The following RNF34 variants were observed in gnomAD, a reference collection of about 807,000 sequenced individuals.
RNF34 encodes ring finger protein 34.
In RNF34, 12 loss-of-function variants were observed where a neutral mutation model predicts 37.9. That is an observed-to-expected ratio of 0.32 (90% confidence interval 0.20 to 0.51). The LOEUF is 0.51. Among genes scored for constraint, RNF34 ranks in the 20% least tolerant of loss-of-function variants. The pLI, the probability that RNF34 is intolerant of heterozygous loss-of-function variation, is 0.97. For synonymous variants in RNF34, 155 were observed against 177.2 expected (o/e 0.87, Z 1.00); for missense variants, 362 against 472.7 (o/e 0.77, Z 2.17).
chr12:121,400,757 A>C (rs7311543), intron 1 of RNF34, among the ~76,000 whole-genome samples: 29,108 of 152,148 alleles, frequency 0.19, 4,302 homozygotes, highest in African/African-American at 0.41. Context: ...GGGGCCGCGA[A>C]CTAGAGAAGG....
chr12:121,406,825 C>T (rs1870585651), intron 1 of RNF34, among the ~76,000 whole-genome samples: 1 of 152,166 alleles, frequency 6.6e-6, no homozygotes, highest in Admixed American at 6.5e-5. Flanking sequence ...AGACAGTTGC[C>T]TCATTCTCTT....
Position 121,423,295 on chromosome 12 carries a change from C to T in RNF34, c.929-91C>T. On this transcript the variant is annotated intron_variant, in intron 5 of 5. Transcript: ENST00000361234. This position sits in a 1 kb window ranked among gnomAD's most constrained non-coding sequence, Gnocchi z 4.3. ...TGGCATTGGGCCTGCAGGGGTCATT[C>T]AGCAGGTGGCTGCTCAGCTTCGGAC... is the stretch of plus-strand genomic sequence containing the variant. 3 of 984,262 alleles carry T rather than the reference C, an allele frequency of 3.0e-6. No individual in the cohort carries two copies. The highest frequency in any genetic ancestry group is 4.5e-6 in the Non-Finnish European group (3 of 664,406). The allele number at this position is 984,262 out of a possible 1,614,324, so 61.0% of individuals were successfully genotyped here.
At chr12:121,402,784 A>G (rs1870122617) in intron 1 of RNF34, 1 of 1,609,246 alleles carries the variant, frequency 6.2e-7, no homozygotes, top group African/African-American at 1.3e-5. Context: ...GTTAAAAGAA[A>G]ACAAAAACCC....
At chr12:121,406,040 G>T (rs1295785813) in intron 1 of RNF34, among the ~76,000 whole-genome samples, 1 of 151,962 alleles carries the variant, frequency 6.6e-6, no homozygotes, top group Non-Finnish European at 1.5e-5. Context: ...TGATCTGCCT[G>T]CCTCGGCCTC....
chr12:121,400,458 G>A (rs1365387626), intron 1 of RNF34, among the ~76,000 whole-genome samples: 1 of 152,198 alleles, frequency 6.6e-6, no homozygotes, highest in Non-Finnish European at 1.5e-5. Context: ...GAGAAGCCGG[G>A]CGTCCCTAGC....
Position 121,406,591 on chromosome 12 carries a change from T to G in RNF34, c.6+6373T>G, listed in dbSNP as rs558641438. On this transcript the variant is annotated intron_variant, in intron 1 of 5. Coordinates refer to ENST00000361234, the MANE Select transcript of RNF34 (RefSeq NM_025126.4). ...CGTGAGCCACCGCGCCGGGCTGGTG[T>G]TAAGTTTTTAAATACGATACCTGGT... Among the ~76,000 whole-genome samples the G allele has an allele frequency of 2.0e-5, 3 of 152,258 alleles. No homozygotes were observed. The East Asian group carries it at 5.8e-4, about 29-fold the overall frequency.
intron 5 of RNF34, among the ~76,000 whole-genome samples, chr12:121,421,400 C>CAAAAAA (rs1218102187): frequency 8.6e-5 from 8 of 92,656 alleles, no homozygotes; most frequent in Non-Finnish European, 1.7e-4. Context: ...AAAAAAAAAC[C>CAAAAAA]AAAAAAACCT....
At chr12:121,410,545 CAAAA>C (rs59253955) in intron 1 of RNF34, among the ~76,000 whole-genome samples, 3 of 137,688 alleles carry the variant, frequency 2.2e-5, no homozygotes, top group African/African-American at 5.4e-5. Flanking sequence ...TCAAAACCAC[CAAAA>C]AAAAAAAAAT....
chr12:121,421,688 T>G (rs1555283420), intron 5 of RNF34, among the ~76,000 whole-genome samples: 1 of 152,082 alleles, frequency 6.6e-6, no homozygotes. Context: ...TCTTTTTAAT[T>G]GTAAAAAAAA....
Position 121,400,203 on chromosome 12 carries a change from G to C in RNF34, c.-10G>C. ...CTGGTAGAGCCGGCCGAGCTGAGGC[G>C]GTCGCGGCCATGAAGGTGAGGGGCC... On this transcript the variant is annotated 5_prime_UTR_variant, in exon 1 of 6. Transcript: ENST00000361234. 6.2e-7 allele frequency: 1 copy of C among 1,609,244 alleles called. No individual in the cohort carries two copies. The highest frequency in any genetic ancestry group is 8.5e-7 in the Non-Finnish European group (1 of 1,178,948).
chr12:121,423,606 C>G lies in RNF34; in HGVS notation c.*30C>G. On this transcript the variant is annotated 3_prime_UTR_variant, in exon 6 of 6. Coordinates refer to ENST00000361234, the MANE Select transcript of RNF34 (RefSeq NM_025126.4). The surrounding 1 kb of genome is among the most constrained non-coding windows in gnomAD (Gnocchi z 4.3). ...GGCTCCCCTCACCAGGACAGTCACC[C>G]CCAAACTTGACCCCCAACATTTCAA... is the stretch of plus-strand genomic sequence containing the variant. 6.3e-7 allele frequency: 1 copy of G among 1,590,792 alleles called. No individual in the cohort carries two copies. Among genetic ancestry groups the G allele is most frequent in the East Asian group, 2.2e-5 (1 of 44,476 alleles).
chr12:121,405,242 AAG>A (rs1555280523), intron 1 of RNF34: 1 of 152,198 alleles, frequency 6.6e-6, no homozygotes, highest in Non-Finnish European at 1.5e-5. Flanking sequence ...TGGGAGGAAA[AAG>A]AGGGACTTGA....
Position 121,423,393 on chromosome 12 carries a change from G to C in RNF34, c.936G>C (p.Glu312Asp). Reference protein sequence around the residue: ...ENEENQKSYGERLQLQDEEDD... With the variant: ...ENEENQKSYGDRLQLQDEEDD... ...CTCTCTGTTGCCTTTCAGATGGCGA[G>C]CGGCTGCAGCTGCAGGATGAGGAAG... The change falls in exon 6 of 6, where the codon GAG (glutamate) becomes GAC (aspartate). Residue 312 changes from glutamate (E) to aspartate (D), a missense_variant. Physicochemically the swap from Glu to Asp is conservative, Grantham distance 45. Coordinates refer to ENST00000361234, the MANE Select transcript of RNF34 (RefSeq NM_025126.4). The surrounding 1 kb of genome is among the most constrained non-coding windows in gnomAD (Gnocchi z 4.3). 6.2e-7 allele frequency: 1 copy of C among 1,604,622 alleles called. No individual in the cohort carries two copies. The highest frequency in any genetic ancestry group is 8.5e-7 in the Non-Finnish European group (1 of 1,174,210).
At chr12:121,402,707 A>T (rs1555280162) in intron 1 of RNF34, 1 of 1,358,444 alleles carries the variant, frequency 7.4e-7, no homozygotes, top group African/African-American at 1.5e-5. Flanking sequence ...TAATCTACTG[A>T]ATGTAATTCC....
rs138681520 is a variant in RNF34 at position 121,417,994 on chromosome 12, C to A, written c.633+83C>A. The A allele has an allele frequency of 1.4e-5, 19 of 1,392,708 alleles. No homozygotes were observed. Among genetic ancestry groups the A allele is most frequent in the African/African-American group, 2.9e-5 (2 of 69,148 alleles). The allele number at this position is 1,392,708 out of a possible 1,614,324, so 86.3% of individuals were successfully genotyped here. On this transcript the variant is annotated intron_variant, in intron 3 of 5. Transcript: ENST00000361234. The surrounding 1 kb of genome is among the most constrained non-coding windows in gnomAD (Gnocchi z 5.0). ...TGGTGGGGCCTTTAGTGCTTGATGA[C>A]TTCTGATAAACTTCAAGTCATGTGC...
At chr12:121,405,774 G>A (rs965758901) in intron 1 of RNF34, among the ~76,000 whole-genome samples, 5 of 149,276 alleles carry the variant, frequency 3.3e-5, no homozygotes, top group Non-Finnish European at 4.4e-5. Context: ...GTGAGCCACC[G>A]TGTCCGGCCT....
intron 1 of RNF34, chr12:121,415,254 A>G (rs1555281964): frequency 3.4e-6 from 1 of 291,288 alleles, no homozygotes; most frequent in Admixed American, 3.4e-5. Context: ...CATTTAAAAA[A>G]TTATTTACAT....
chr12:121,417,468 A>T lies in RNF34; in HGVS notation c.226-36A>T, dbSNP rs1555282328. ...AAAACTCATGCTTTCATAATGGTTT[A>T]TATCTTGCTGTCATCAAATGCTTTT... On this transcript the variant is annotated intron_variant, in intron 2 of 5. Coordinates refer to ENST00000361234, the MANE Select transcript of RNF34 (RefSeq NM_025126.4). The surrounding 1 kb of genome is among the most constrained non-coding windows in gnomAD (Gnocchi z 5.0). 4 of 1,566,606 alleles carry T rather than the reference A, an allele frequency of 2.6e-6. No individual in the cohort carries two copies. Among genetic ancestry groups the T allele is most frequent in the Non-Finnish European group, 3.5e-6 (4 of 1,153,516 alleles).
chr12:121,401,052 G>T (rs1869941360), intron 1 of RNF34, among the ~76,000 whole-genome samples: 1 of 152,038 alleles, frequency 6.6e-6, no homozygotes, highest in African/African-American at 2.4e-5. Flanking sequence ...AGACCTAGAT[G>T]GTTTCGTTAA....
Sources: gnomAD v4.1 joint callset for allele counts (sites outside exome capture counted in the v4.1 genomes callset) on GRCh38, gnomAD v4.1.1 for gene constraint, Gnocchi (gnomAD v3.1) non-coding constraint, MANE v1.5 for transcripts, NCBI Gene and HGNC (gene_info 2026-07-23, HGNC 2026-07-21) for gene names.